Variants in ZNF783 observed in about 807,000 individuals in gnomAD.
The protein encoded by ZNF783 is protein ZNF783.
ZNF783 carries 25 observed loss-of-function variants against 31.3 expected under a neutral mutation model. The observed-to-expected ratio is 0.80, with a 90% CI of 0.58 to 1.11. The LOEUF (loss-of-function observed/expected upper bound fraction) is 1.11. ZNF783 is among the 50% of genes most tolerant of loss of function. ZNF783 has a pLI of 0.00. For synonymous variants in ZNF783, 369 were observed against 319.1 expected (o/e 1.16, Z -1.66); for missense variants, 797 against 760.0 (o/e 1.05, Z -0.57).
Position 149,266,954 on chromosome 7 carries a change from A to C in ZNF783, c.547+9A>C. ...GACGCTGGTCTCCCTGGGTAAGGCC[A>C]CGGAGGGAGGATCTGGGCCTCTGTC... On this transcript the variant is annotated intron_variant, in intron 3 of 5. Coordinates refer to ENST00000434415, the MANE Select transcript of ZNF783 (RefSeq NM_001195220.2). 6.2e-7 allele frequency: 1 copy of C among 1,614,054 alleles called. No homozygotes were observed.
chr7:149,282,186 A>G lies in ZNF783; in HGVS notation c.1484A>G (p.Gln495Arg). 1 of 1,600,652 alleles carries G rather than the reference A, an allele frequency of 6.2e-7. No homozygotes were observed. Among genetic ancestry groups the G allele is most frequent in the Non-Finnish European group, 8.5e-7 (1 of 1,179,542 alleles). Reference protein sequence around the residue: ...QRIHTGERPYQCPQCGRTFNR... With the variant: ...QRIHTGERPYRCPQCGRTFNR... ...ATCCACACCGGTGAGCGGCCCTACC[A>G]GTGCCCCCAGTGTGGCCGGACCTTC... The change falls in exon 6 of 6, where the codon CAG becomes CGG. Residue 495 changes from glutamine to arginine, a missense_variant. Transcript: ENST00000434415.
In ZNF783 at chr7:149,282,332, G is replaced by A; in HGVS notation, c.1630G>A (p.Glu544Lys). 2 of 1,522,430 alleles carry A rather than the reference G, an allele frequency of 1.3e-6. No individual in the cohort carries two copies. Among genetic ancestry groups the A allele is most frequent in the Non-Finnish European group, 1.8e-6 (2 of 1,141,496 alleles). 94.3% of individuals were successfully genotyped at this position (1,522,430 alleles called of 1,614,324 possible). The stretch of plus-strand genomic sequence containing the variant: ...GCCCCTGCCCTGGCCCAGCCGGAAG[G>A]AGGAGGGCTGACCTGGCAGGAGCCC... ...SLPLPWPSRK[E>K]EG is the part of the protein sequence containing the mutation. The change falls in exon 6 of 6, where the codon GAG (glutamate) becomes AAG (lysine). Residue 544 changes from glutamate to lysine, a missense_variant. Coordinates refer to ENST00000434415, the MANE Select transcript of ZNF783 (RefSeq NM_001195220.2).
chr7:149,272,260 C>T (rs184901033), intron 4 of ZNF783, among the ~76,000 whole-genome samples: 187 of 152,190 alleles, frequency 1.2e-3, no homozygotes, highest in Admixed American at 2.8e-3. Flanking sequence ...AGTGATCTAC[C>T]CTCCTCAGCC....
At chr7:149,264,973 GC>G (rs1797030408) in intron 1 of ZNF783, among the ~76,000 whole-genome samples, 1 of 151,454 alleles carries the variant, frequency 6.6e-6, no homozygotes, top group African/African-American at 2.4e-5. Flanking sequence ...GGGGGAGAAG[GC>G]TGGAAGTGGG....
chr7:149,266,875 G>A lies in ZNF783; in HGVS notation c.477G>A (p.Lys159=). 6.2e-7 allele frequency: 1 copy of A among 1,614,152 alleles called. No individual in the cohort carries two copies. Among genetic ancestry groups the A allele is most frequent in the South Asian group, 1.1e-5 (1 of 91,082 alleles). ...AVYFSELEWG[K]LEDWQKELYK... ...ATTTCTCTGAGCTGGAGTGGGGCAA[G>A]CTGGAGGACTGGCAGAAGGAGCTCT... The change falls in exon 3 of 6, where the codon AAG becomes AAA. Residue 159 remains lysine (K), a synonymous_variant. Coordinates refer to ENST00000434415, the MANE Select transcript of ZNF783 (RefSeq NM_001195220.2).
intron 4 of ZNF783, chr7:149,276,298 T>G (rs1482042242): frequency 1.0e-6 from 1 of 972,036 alleles, no homozygotes; most frequent in Non-Finnish European, 1.2e-6. Flanking sequence ...GTCACCACCT[T>G]GTGATGCTTG....
rs187376438 is a variant in ZNF783 at position 149,269,517 on chromosome 7, T to C, written c.673+2295T>C. On this transcript the variant is annotated intron_variant, in intron 4 of 5. Coordinates refer to ENST00000434415, the MANE Select transcript of ZNF783 (RefSeq NM_001195220.2). ...CCAAGGGCAATATCGAGGAGGGTAT[T>C]TCCTAGGTTTTATTCTAGAATTTTT... 2.7e-3 allele frequency among the ~76,000 whole-genome samples: 404 copies of C among 152,332 alleles called. 5 individuals carry two copies. Among genetic ancestry groups the C allele is most frequent in the Non-Finnish European group, 1.6e-3 (108 of 68,036 alleles).
At chr7:149,271,242 T>C (rs1351707782) in intron 4 of ZNF783, among the ~76,000 whole-genome samples, 1 of 152,260 alleles carries the variant, frequency 6.6e-6, no homozygotes, top group Admixed American at 6.5e-5. Context: ...CCAGCCTGGC[T>C]CTTTGATTTT....
At chr7:149,277,789 G>A (rs1797368866) in intron 4 of ZNF783, 1 of 151,726 alleles carries the variant, frequency 6.6e-6, no homozygotes. Flanking sequence ...GATTTCTTGT[G>A]TGAGAGGACA....
intron 1 of ZNF783, among the ~76,000 whole-genome samples, chr7:149,263,300 GTGTGTATATATA>G (rs1466522862): frequency 8.2e-4 from 61 of 74,298 alleles, no homozygotes; most frequent in African/African-American, 2.3e-3. Context: ...GTGTGTGTGT[GTGTGTATATATA>G]TATATATATA....
At chr7:149,267,760 G>GCC (rs1797116456) in intron 4 of ZNF783, among the ~76,000 whole-genome samples, 1 of 152,090 alleles carries the variant, frequency 6.6e-6, no homozygotes, top group Admixed American at 6.5e-5. Context: ...TTGCGCCACT[G>GCC]CACTCCAGCC....
Position 149,266,902 on chromosome 7 carries a change from C to T in ZNF783, c.504C>T (p.Tyr168=), listed in dbSNP as rs146025484. 1.3e-4 allele frequency: 215 copies of T among 1,614,078 alleles called. No homozygotes were observed. In the East Asian group the frequency reaches 4.7e-3, roughly 36 times the overall value. ...TGGAGGACTGGCAGAAGGAGCTCTACAAGCACGTGATGAGGGGCAACTACG... is the reference window on the plus strand; with the variant it reads ...TGGAGGACTGGCAGAAGGAGCTCTATAAGCACGTGATGAGGGGCAACTACG... ...GKLEDWQKEL[Y]KHVMRGNYET... is the part of the protein sequence containing the mutation. The change falls in exon 3 of 6, where the codon TAC becomes TAT. Residue 168 remains tyrosine (Y), a synonymous_variant. Transcript: ENST00000434415.
chr7:149,272,061 A>T (rs747422567), intron 4 of ZNF783, among the ~76,000 whole-genome samples: 15 of 152,120 alleles, frequency 9.9e-5, no homozygotes, highest in Admixed American at 2.0e-4. Context: ...TCTGTTGCCC[A>T]GGCTGGAGTG....
Position 149,282,163 on chromosome 7 carries a change from C to T in ZNF783, c.1461C>T (p.Ile487=), listed in dbSNP as rs1400168980. 3 of 1,600,898 alleles carry T rather than the reference C, an allele frequency of 1.9e-6. No homozygotes were observed. Among genetic ancestry groups the T allele is most frequent in the Admixed American group, 1.7e-5 (1 of 59,972 alleles). Residue 487 remains isoleucine, a synonymous_variant, in exon 6 of 6, where the codon ATC becomes ATT. Transcript: ENST00000434415. The part of the protein sequence containing the change: ...RPSDLFRHQR[I]HTGERPYQCP... ...CGGACCTCTTCCGGCACCAGCGCAT[C>T]CACACCGGTGAGCGGCCCTACCAGT...
At chr7:149,267,873 T>TGTCCCCGCTATTGCTTGTGTCCCC (rs1797119677) in intron 4 of ZNF783, among the ~76,000 whole-genome samples, 1 of 152,164 alleles carries the variant, frequency 6.6e-6, no homozygotes, top group South Asian at 2.1e-4. Context: ...CGTGTGTCCA[T>TGTCCCCGCTATTGCTTGTGTCCCC]GTCCCCGCTA....
In ZNF783 at chr7:149,279,298, T is replaced by G. The variant is rs531988843; in HGVS notation, c.802+771T>G. Reference sequence around the variant, plus strand: ...CTCTTAGGTGGGAAGGCAATGTTCCTGCCCCATTGCAGACCTGGAACGGTG... The same window carrying G: ...CTCTTAGGTGGGAAGGCAATGTTCCGGCCCCATTGCAGACCTGGAACGGTG... On this transcript the variant is annotated intron_variant, in intron 5 of 5. Transcript: ENST00000434415. 3.9e-5 allele frequency among the ~76,000 whole-genome samples: 6 copies of G among 152,370 alleles called. No individual in the cohort carries two copies. The East Asian group carries it at 1.2e-3, about 29-fold the overall frequency.
At chr7:149,276,647 G>A in intron 4 of ZNF783, 1 of 731,860 alleles carries the variant, frequency 1.4e-6, no homozygotes. Context: ...CCCCACTTGG[G>A]TTACTTTTTA....
intron 4 of ZNF783, among the ~76,000 whole-genome samples, chr7:149,272,715 G>A (rs1236822211): frequency 6.6e-6 from 1 of 151,970 alleles, no homozygotes; most frequent in African/African-American, 2.4e-5. Context: ...CATACCTCAA[G>A]CATTTATTAT....
intron 4 of ZNF783, among the ~76,000 whole-genome samples, chr7:149,269,061 T>G (rs141883735): frequency 1.7e-3 from 258 of 152,324 alleles, no homozygotes; most frequent in African/African-American, 6.0e-3. Flanking sequence ...TACATTCCCA[T>G]CAACAGTGTA....
Sources: gnomAD v4.1 joint callset for allele counts (sites outside exome capture counted in the v4.1 genomes callset) on GRCh38, gnomAD v4.1.1 for gene constraint, MANE v1.5 for transcripts, NCBI Gene and HGNC (gene_info 2026-07-23, HGNC 2026-07-21) for gene names.